OLR1: variants seen among roughly 807,000 people sequenced by gnomAD.
OLR1 encodes oxidized low density lipoprotein receptor 1.
A neutral mutation model predicts 31.7 loss-of-function variants in OLR1; 23 were observed. The observed-to-expected ratio is 0.72, with a 90% CI of 0.52 to 1.03. The LOEUF is 1.03. Among genes scored for constraint, OLR1 ranks in the 50% least tolerant of loss-of-function variants. OLR1 has a pLI of 0.00. For synonymous variants in OLR1, 117 were observed against 115.8 expected, an observed-to-expected ratio of 1.01 and a Z score of -0.07; for missense variants, 286 against 315.7, an observed-to-expected ratio of 0.91 and a Z score of 0.71.
At chr12:10,165,810 G>C (rs11611438) in intron 3 of OLR1, among the ~76,000 whole-genome samples, 10,280 of 152,016 alleles carry the variant, frequency 0.068, 511 homozygotes, top group South Asian at 0.21. Context: ...ATTTTAAAAA[G>C]AAGAGGCTCT....
intron 3 of OLR1, among the ~76,000 whole-genome samples, chr12:10,162,941 C>CT (rs1445084459): frequency 2.2e-5 from 3 of 134,100 alleles, no homozygotes; most frequent in Non-Finnish European, 4.7e-5. Flanking sequence ...AGTATTTAAA[C>CT]TTACTGTATT....
chr12:10,168,428 C>T (rs1191137790), intron 2 of OLR1, among the ~76,000 whole-genome samples: 1 of 152,084 alleles, frequency 6.6e-6, no homozygotes, highest in Non-Finnish European at 1.5e-5. Flanking sequence ...ATATTAGTAA[C>T]TTTAAGTTAT....
intron 3 of OLR1, among the ~76,000 whole-genome samples, chr12:10,164,761 G>A (rs1948647039): frequency 2.0e-5 from 3 of 152,168 alleles, no homozygotes; most frequent in African/African-American, 2.4e-5. Context: ...AAATAATACA[G>A]TAGCTTCTGT....
At chr12:10,171,685 C>T (rs1324784298) in intron 1 of OLR1, among the ~76,000 whole-genome samples, 2 of 152,114 alleles carry the variant, frequency 1.3e-5, no homozygotes, top group Non-Finnish European at 2.9e-5. Flanking sequence ...CCTCCTGATG[C>T]CCAGTTAGCT....
intron 3 of OLR1, among the ~76,000 whole-genome samples, chr12:10,166,402 CCTGTAGTCCCAACGACTTGGGAGG>C (rs1948662036): frequency 6.6e-6 from 1 of 150,800 alleles, no homozygotes; most frequent in Non-Finnish European, 1.5e-5. Context: ...GTGATGGGAG[CCTGTAGTCCCAACGACTTGGGAGG>C]CTGAGGCAAG....
upstream of OLR1, among the ~76,000 whole-genome samples, chr12:10,175,698 C>G (rs1005396139): frequency 3.3e-5 from 5 of 152,198 alleles, no homozygotes; most frequent in African/African-American, 1.2e-4. Flanking sequence ...GAAACACTTC[C>G]CAAGGGATCT....
chr12:10,174,453 G>A (rs115985517), upstream of OLR1, among the ~76,000 whole-genome samples: 2,734 of 152,156 alleles, frequency 0.018, 71 homozygotes, highest in African/African-American at 0.06. Flanking sequence ...AGTAGATTTC[G>A]CTGCATAATG....
chr12:10,167,030 C>G (rs1022134309), intron 2 of OLR1, 73 bp from the exon 3 acceptor site: 2 of 1,416,518 alleles, frequency 1.4e-6, no homozygotes, highest in Admixed American at 2.2e-5. Flanking sequence ...TTGAGGAAAT[C>G]AAAACAGAAT....
In OLR1 at chr12:10,166,848, C is replaced by T. The variant is rs1179697522; in HGVS notation, c.288G>A (p.Gln96=). 5 of 1,613,644 alleles carry T rather than the reference C, an allele frequency of 3.1e-6. No homozygotes were observed. Among genetic ancestry groups the T allele is most frequent in the Non-Finnish European group, 4.2e-6 (5 of 1,179,990 alleles). The part of the protein sequence containing the change: ...SARQQAEEAS[Q]ESENELKEMI... ...TTTCCTTGAGTTCGTTTTCTGACTC[C>T]TGTGAAGCTTCTTCTGCTTGTTGCC... The change falls in exon 3 of 6, where the codon CAG becomes CAA. Residue 96 remains glutamine (Q), a synonymous_variant. Coordinates refer to ENST00000309539, the MANE Select transcript of OLR1 (RefSeq NM_002543.4).
intron 5 of OLR1, 79 bp downstream of exon 5, chr12:10,160,268 C>T (rs756489522): frequency 1.0e-4 from 114 of 1,142,580 alleles, no homozygotes; most frequent in Non-Finnish European, 1.4e-4. Flanking sequence ...TGGTGGGATG[C>T]AGGCAGTGAC....
chr12:10,162,294 T>G (rs1948627183), intron 3 of OLR1, among the ~76,000 whole-genome samples: 2 of 152,120 alleles, frequency 1.3e-5, no homozygotes, highest in African/African-American at 4.8e-5. Flanking sequence ...TTAATTTCAT[T>G]CTCACTGTGG....
upstream of OLR1, among the ~76,000 whole-genome samples, chr12:10,173,547 AG>A (rs5796382): frequency 0.38 from 55,990 of 149,194 alleles, 11,530 homozygotes; most frequent in East Asian, 0.56. Flanking sequence ...TGGGAAGCTG[AG>A]GGGGGGGGTG....
At chr12:10,163,372 C>A (rs1948635402) in intron 3 of OLR1, among the ~76,000 whole-genome samples, 1 of 152,056 alleles carries the variant, frequency 6.6e-6, no homozygotes, top group South Asian at 2.1e-4. Context: ...TTTTAACAAT[C>A]TATTTACATA....
At chr12:10,160,579 T>C in intron 4 of OLR1, 117 bp from the exon 5 acceptor site, 1 of 988,586 alleles carries the variant, frequency 1.0e-6, no homozygotes, top group Non-Finnish European at 1.5e-6. Context: ...TGACATCCCC[T>C]TGACTGTTTT....
At position 10,166,704 on chromosome 12, in the gene OLR1, C is replaced by A; in HGVS notation, c.424+8G>T. On this transcript the variant is annotated splice_region_variant and intron_variant, in intron 3 of 5. Transcript: ENST00000309539. ...ACTATGTCTCCTTACCCACCCTTCTCCCAATACCTGAACAATTTGCTACTC... is the reference window on the plus strand; with the variant it reads ...ACTATGTCTCCTTACCCACCCTTCTACCAATACCTGAACAATTTGCTACTC... 6.2e-7 allele frequency: 1 copy of A among 1,614,004 alleles called. No homozygotes were observed. The highest frequency in any genetic ancestry group is 8.5e-7 in the Non-Finnish European group (1 of 1,179,978).
chr12:10,174,048 TTTTG>T (rs35635554), upstream of OLR1, among the ~76,000 whole-genome samples: 18 of 150,512 alleles, frequency 1.2e-4, no homozygotes, highest in East Asian at 1.0e-3. Context: ...ATTTCATGTG[TTTTG>T]TTTGTTTGTT....
upstream of OLR1, among the ~76,000 whole-genome samples, chr12:10,175,840 A>C (rs1948761571): frequency 6.6e-6 from 1 of 152,242 alleles, no homozygotes; most frequent in Non-Finnish European, 1.5e-5. Flanking sequence ...ATTGAGGCAC[A>C]GAGAGGAAAG....
chr12:10,167,631 T>C (rs531662700), intron 2 of OLR1: 14 of 152,344 alleles, frequency 9.2e-5, no homozygotes, highest in African/African-American at 3.1e-4. Context: ...TCTATTTATG[T>C]CTCAATTCCT....
At chr12:10,172,622 C>T (rs899641153), upstream of OLR1, among the ~76,000 whole-genome samples, 1 of 152,170 alleles carries the variant, frequency 6.6e-6, no homozygotes, top group African/African-American at 2.4e-5. Context: ...CCATTTCCAG[C>T]GATGGTGTGT....
Sources: allele counts gnomAD v4.1 joint callset (sites outside exome capture counted in the v4.1 genomes callset), GRCh38; gene constraint gnomAD v4.1.1; transcripts MANE v1.5; gene names NCBI Gene and HGNC (gene_info 2026-07-23, HGNC 2026-07-21).